APBB1IP: variants seen among roughly 807,000 people sequenced by gnomAD.
The protein encoded by APBB1IP is amyloid beta precursor protein binding family B member 1 interacting protein, also known as amyloid beta A4 precursor protein-binding family B member 1-interacting protein.
In APBB1IP, 27 loss-of-function variants were observed where a neutral mutation model predicts 64.9. The observed-to-expected ratio is 0.42, with a 90% CI of 0.31 to 0.57. The LOEUF (loss-of-function observed/expected upper bound fraction) is 0.57. Ranked by LOEUF, APBB1IP falls within the 20% of genes least tolerant of loss-of-function variation. The pLI, the probability that APBB1IP is intolerant of heterozygous loss-of-function variation, is 0.20. For missense variants in APBB1IP, 812 were observed against 845.5 expected (o/e 0.96, Z 0.49); for synonymous variants, 392 against 331.0 (o/e 1.18, Z -2.00).
chr10:26,530,872 G>A (rs1187157346), intron 8 of APBB1IP, among the ~76,000 whole-genome samples: 1 of 152,084 alleles, frequency 6.6e-6, no homozygotes. Context: ...CCAGCAGGTA[G>A]AATATGTTAC....
intron 2 of APBB1IP, among the ~76,000 whole-genome samples, chr10:26,447,265 C>T (rs1360881651): frequency 1.3e-5 from 2 of 150,798 alleles, no homozygotes; most frequent in African/African-American, 4.9e-5. Context: ...GTCCCAGCTA[C>T]TCGGGAGGCT....
intron 2 of APBB1IP, among the ~76,000 whole-genome samples, chr10:26,452,689 ATATT>A: frequency 6.6e-6 from 1 of 152,076 alleles, no homozygotes; most frequent in Non-Finnish European, 1.5e-5. Flanking sequence ...TAATTTTTAT[ATATT>A]TAGGGGGTAC....
At chr10:26,442,074 G>A (rs1835344079) in intron 2 of APBB1IP, among the ~76,000 whole-genome samples, 1 of 152,178 alleles carries the variant, frequency 6.6e-6, no homozygotes, top group Admixed American at 6.5e-5. Flanking sequence ...TGAGTTTATA[G>A]TCTAGAAGAG....
intron 2 of APBB1IP, among the ~76,000 whole-genome samples, chr10:26,483,481 G>A: frequency 6.6e-6 from 1 of 152,166 alleles, no homozygotes; most frequent in East Asian, 1.9e-4. Flanking sequence ...GTTATTCGCT[G>A]TTATTTTTAT....
chr10:26,519,866 T>A (rs543490159), intron 8 of APBB1IP, among the ~76,000 whole-genome samples: 142 of 152,332 alleles, frequency 9.3e-4, no homozygotes, highest in Non-Finnish European at 1.7e-3. Flanking sequence ...GGCTTCTGCC[T>A]GCTGACCTTA....
chr10:26,495,111 G>A (rs1182100025), intron 3 of APBB1IP, among the ~76,000 whole-genome samples: 4 of 150,996 alleles, frequency 2.6e-5, no homozygotes, highest in African/African-American at 9.7e-5. Context: ...AGGTTCAAGC[G>A]ATTCTCCTGC....
chr10:26,563,522 A>C (rs562109056), intron 14 of APBB1IP, among the ~76,000 whole-genome samples: 3 of 152,260 alleles, frequency 2.0e-5, no homozygotes, highest in South Asian at 2.1e-4. Context: ...CGAATAGATC[A>C]GTGAAGATTC....
intron 8 of APBB1IP, among the ~76,000 whole-genome samples, chr10:26,520,558 T>C (rs1031125805): frequency 6.6e-6 from 1 of 152,188 alleles, no homozygotes; most frequent in African/African-American, 2.4e-5. Context: ...GGCAAGAAAG[T>C]GAATGCAGAG....
At chr10:26,460,911 C>T (rs1242510608) in intron 2 of APBB1IP, among the ~76,000 whole-genome samples, 1 of 152,136 alleles carries the variant, frequency 6.6e-6, no homozygotes, top group African/African-American at 2.4e-5. Context: ...AAAACTGCCC[C>T]CAGAAGATTG....
intron 2 of APBB1IP, among the ~76,000 whole-genome samples, chr10:26,463,201 G>A (rs1019781324): frequency 1.3e-5 from 2 of 152,182 alleles, no homozygotes; most frequent in African/African-American, 2.4e-5. Context: ...CTTTTGAGAG[G>A]CAGAGGTGGG....
intron 8 of APBB1IP, among the ~76,000 whole-genome samples, chr10:26,532,117 C>T (rs1397963938): frequency 3.9e-5 from 6 of 152,188 alleles, no homozygotes; most frequent in African/African-American, 1.4e-4. Flanking sequence ...TGGAGAAACA[C>T]TCCTATGGTG....
chr10:26,444,623 T>A (rs1317573161), intron 2 of APBB1IP, among the ~76,000 whole-genome samples: 1 of 152,064 alleles, frequency 6.6e-6, no homozygotes, highest in Non-Finnish European at 1.5e-5. Flanking sequence ...GGAAGGGAGA[T>A]GATTAGAAGT....
chr10:26,548,470 T>C (rs1836793956), intron 11 of APBB1IP, among the ~76,000 whole-genome samples: 1 of 152,074 alleles, frequency 6.6e-6, no homozygotes, highest in Non-Finnish European at 1.5e-5. Context: ...ATATTAATTC[T>C]TCCAATTTAT....
intron 2 of APBB1IP, among the ~76,000 whole-genome samples, chr10:26,491,377 C>A (rs1256229722): frequency 6.6e-6 from 1 of 152,146 alleles, no homozygotes; most frequent in Non-Finnish European, 1.5e-5. Context: ...CAATTGATTA[C>A]CTTTGCCAAA....
intron 11 of APBB1IP, among the ~76,000 whole-genome samples, chr10:26,553,153 C>G (rs1478920706): frequency 3.3e-5 from 5 of 152,072 alleles, no homozygotes; most frequent in Non-Finnish European, 7.4e-5. Context: ...TCCTGAGTAG[C>G]TGGGATTACA....
chr10:26,473,609 T>G (rs372126336), intron 2 of APBB1IP, among the ~76,000 whole-genome samples: 45 of 152,312 alleles, frequency 3.0e-4, no homozygotes, highest in African/African-American at 9.9e-4. Context: ...CATAAATGGT[T>G]GAGGAAAACT....
chr10:26,463,074 C>T (rs542701309), intron 2 of APBB1IP, among the ~76,000 whole-genome samples: 16 of 152,220 alleles, frequency 1.1e-4, no homozygotes, highest in African/African-American at 3.1e-4. Context: ...CTTCAGCCAT[C>T]GTTGAGCGTT....
intron 8 of APBB1IP, among the ~76,000 whole-genome samples, chr10:26,520,453 T>C (rs1379789361): frequency 3.3e-5 from 5 of 152,248 alleles, no homozygotes; most frequent in African/African-American, 1.2e-4. Flanking sequence ...AAAAACTCTT[T>C]AAAATTTCAT....
intron 4 of APBB1IP, among the ~76,000 whole-genome samples, chr10:26,500,352 G>T (rs4749159): frequency 0.08 from 12,114 of 152,126 alleles, 763 homozygotes; most frequent in East Asian, 0.23. Flanking sequence ...AATCCCCATT[G>T]GTTGAAATCC....
Sources: gnomAD v4.1 joint callset for allele counts (sites outside exome capture counted in the v4.1 genomes callset) on GRCh38, gnomAD v4.1.1 for gene constraint, MANE v1.5 for transcripts, NCBI Gene and HGNC (gene_info 2026-07-23, HGNC 2026-07-21) for gene names.